The following PHKA2 variants were observed in gnomAD, a reference collection of about 807,000 sequenced individuals.
PHKA2 encodes phosphorylase b kinase regulatory subunit alpha, liver isoform.
Under a neutral mutation model 102.0 loss-of-function variants are expected in PHKA2, and 31 were observed. That is an observed-to-expected ratio of 0.30 (90% confidence interval 0.23 to 0.41). The LOEUF is 0.41. Among genes scored for constraint, PHKA2 ranks in the 10% least tolerant of loss-of-function variants. PHKA2 has a pLI of 1.00. For missense variants in PHKA2, 858 were observed against 1,023.1 expected, an observed-to-expected ratio of 0.84 and a Z score of 2.20; for synonymous variants, 455 against 416.2, an observed-to-expected ratio of 1.09 and a Z score of -1.13.
intron 26 of PHKA2, 56 bp from the exon 27 acceptor site, chrX:18,901,659 G>A (rs1369006916): frequency 3.7e-5 from 30 of 804,782 alleles, no homozygotes; most frequent in Non-Finnish European, 3.2e-5. Context: ...TCCAACCCGA[G>A]GCAGGATCTG....
intron 14 of PHKA2, 33 bp from the exon 15 acceptor site, chrX:18,925,810 G>A (rs2048201059): frequency 2.1e-6 from 2 of 940,574 alleles, no homozygotes; most frequent in Non-Finnish European, 1.5e-6. Flanking sequence ...ATTGGAGTTA[G>A]AGGAAATACG....
chrX:18,895,248 A>ATGCACACACAGGCG (rs2047519130), intron 30 of PHKA2, 57 bp from the exon 31 acceptor site: 1 of 1,059,483 alleles, frequency 9.4e-7, no homozygotes, highest in African/African-American at 1.8e-5. Flanking sequence ...AAGCACATGC[A>ATGCACACACAGGCG]TGCACACACA....
In PHKA2 at chrX:18,893,315, G is replaced by T; in HGVS notation, c.*170C>A. On this transcript the variant is annotated 3_prime_UTR_variant, in exon 33 of 33. Transcript: ENST00000379942. Reference sequence around the variant, plus strand: ...AGGACTCCTCAGCTCTATCTCTGTGGCTTTAACATACATCAGTTTCAGGGT... The same window carrying T: ...AGGACTCCTCAGCTCTATCTCTGTGTCTTTAACATACATCAGTTTCAGGGT... 1 of 525,856 alleles carries T rather than the reference G, an allele frequency of 1.9e-6. No individual in the cohort carries two copies. Among genetic ancestry groups the T allele is most frequent in the Non-Finnish European group, 3.3e-6 (1 of 299,982 alleles). The allele number at this position is 525,856 out of a possible 1,213,427, so 43.3% of individuals were successfully genotyped here. A position where few individuals can be genotyped will look rare whatever the true frequency, so the allele number is the denominator to read the frequency against.
At chrX:18,975,394 C>T (rs2049073702) in intron 1 of PHKA2, among the ~76,000 whole-genome samples, 1 of 112,018 alleles carries the variant, frequency 8.9e-6, no homozygotes, top group African/African-American at 3.2e-5. Flanking sequence ...TCCTTGTCTT[C>T]CGTCATGACT....
intron 8 of PHKA2, 35 bp downstream of exon 8, chrX:18,941,494 C>A: frequency 8.4e-7 from 1 of 1,186,256 alleles, no homozygotes; most frequent in African/African-American, 1.7e-5. Flanking sequence ...GCACATCACA[C>A]AGGACAGAAG....
rs1216502736 is a variant in PHKA2 at position 18,957,238 on chromosome X, T to C, written c.79-2826A>G. The stretch of plus-strand genomic sequence containing the variant: ...CCTTCTAATAGGGATGACCCAGTGG[T>C]TTTGTCTTTGAGTCATTCCCTTGCC... On this transcript the variant is annotated intron_variant, in intron 1 of 32. Transcript: ENST00000379942. Among the ~76,000 whole-genome samples the C allele has an allele frequency of 2.0e-4, 22 of 112,132 alleles. No individual in the cohort carries two copies. In the Admixed American group the frequency reaches 2.1e-3, roughly 11 times the overall value.
chrX:18,935,954 T>C, intron 11 of PHKA2, 101 bp downstream of exon 11: 1 of 591,991 alleles, frequency 1.7e-6, no homozygotes, highest in Admixed American at 2.6e-5. Context: ...AGAAAAAGTG[T>C]TCATTAGTTC....
At chrX:18,938,864 T>G in intron 9 of PHKA2, 115 bp from the exon 10 acceptor site, 1 of 673,385 alleles carries the variant, frequency 1.5e-6, no homozygotes. Flanking sequence ...GAAGTTGGCA[T>G]GAGTAGGATT....
chrX:18,940,150 A>G, intron 8 of PHKA2, 102 bp from the exon 9 acceptor site: 2 of 579,169 alleles, frequency 3.5e-6, no homozygotes, highest in African/African-American at 4.4e-5. Flanking sequence ...TTAGTAATGA[A>G]TTTTATACCA....
intron 2 of PHKA2, among the ~76,000 whole-genome samples, chrX:18,953,682 T>C (rs2048731210): frequency 9.0e-6 from 1 of 111,729 alleles, no homozygotes; most frequent in Non-Finnish European, 1.9e-5. Flanking sequence ...AAATTGACAC[T>C]TTGGGGTTAG....
chrX:18,902,323 G>C (rs768520863), intron 26 of PHKA2, among the ~76,000 whole-genome samples: 46 of 108,359 alleles, frequency 4.2e-4, no homozygotes, highest in African/African-American at 1.5e-3. Context: ...GTTTTGTGAA[G>C]ACAGGGTTTT....
chrX:18,905,696 A>T, intron 26 of PHKA2, 62 bp downstream of exon 26: 2 of 749,914 alleles, frequency 2.7e-6, no homozygotes, highest in Non-Finnish European at 4.2e-6. Flanking sequence ...TGCTGGTTCT[A>T]ATGTCTGCTG....
chrX:18,930,939 C>T (rs58584034), intron 12 of PHKA2, among the ~76,000 whole-genome samples: 13,271 of 110,782 alleles, frequency 0.12, 636 homozygotes, highest in East Asian at 0.23. Context: ...CCTTCCCCTC[C>T]CTGCCTCCCC....
At chrX:18,956,068 A>C (rs112062471) in intron 1 of PHKA2, among the ~76,000 whole-genome samples, 1,640 of 112,182 alleles carry the variant, frequency 0.015, 28 homozygotes, top group African/African-American at 0.051. Context: ...TCACGCCTGT[A>C]ATCTAAGCAC....
At chrX:18,953,823 C>A (rs111939825) in intron 2 of PHKA2, among the ~76,000 whole-genome samples, 1 of 110,518 alleles carries the variant, frequency 9.0e-6, no homozygotes, top group Admixed American at 9.7e-5. Flanking sequence ...CCTGTCTCTA[C>A]TAAAAATACA....
chrX:18,896,222 G>GTCCT (rs750967338), intron 30 of PHKA2: 1 of 112,571 alleles, frequency 8.9e-6, no homozygotes, highest in African/African-American at 3.2e-5. Flanking sequence ...GAGGCACACT[G>GTCCT]TCCTTCCATT....
intron 15 of PHKA2, among the ~76,000 whole-genome samples, 173 bp from the exon 16 acceptor site, chrX:18,924,698 T>C: frequency 8.9e-6 from 1 of 112,165 alleles, no homozygotes; most frequent in African/African-American, 3.2e-5. Context: ...CAAATCAGTC[T>C]GCTGCCTGCC....
In PHKA2 at chrX:18,948,797, C is replaced by A; in HGVS notation, c.484G>T (p.Val162Leu). The change falls in exon 5 of 33, where the codon GTG (valine) becomes TTG (leucine). Residue 162 changes from valine to leucine, a missense_variant. Transcript: ENST00000379942. ...AAGACAAGATTCTGTATGAAGGCCA[C>A]CTCATCGAGAGTGAAAATGATACGT... ...GLRIIFTLDE[V>L]AFIQNLVFYI... The A allele has an allele frequency of 3.3e-6, 4 of 1,196,081 alleles. No homozygotes were observed. Among genetic ancestry groups the A allele is most frequent in the Non-Finnish European group, 4.5e-6 (4 of 882,317 alleles).
rs187862489 is a variant in PHKA2, at chrX:18,902,805, C to T, written c.2909-1202G>A. On this transcript the variant is annotated intron_variant, in intron 26 of 32. Coordinates refer to ENST00000379942, the MANE Select transcript of PHKA2 (RefSeq NM_000292.3). Reference sequence around the variant, plus strand: ...CAAAAAACATACCCGAGGCCAGGCACGGTGGCTCACACCTGTAATCCCAGC... The same window carrying T: ...CAAAAAACATACCCGAGGCCAGGCATGGTGGCTCACACCTGTAATCCCAGC... The T allele has an allele frequency of 6.4e-3, 708 of 110,962 alleles. 2 individuals carry two copies. The highest frequency in any genetic ancestry group is 9.0e-3 in the Non-Finnish European group (478 of 52,959). The allele number at this position is 110,962 out of a possible 1,213,427, so 9.1% of individuals were successfully genotyped here. A position where few individuals can be genotyped will look rare whatever the true frequency, so the allele number is the denominator to read the frequency against.
Sources: allele counts gnomAD v4.1 joint callset (sites outside exome capture counted in the v4.1 genomes callset), GRCh38; gene constraint gnomAD v4.1.1; transcripts MANE v1.5; gene names NCBI Gene and HGNC (gene_info 2026-07-23, HGNC 2026-07-21).